Variants in NCMAP observed in about 807,000 individuals in gnomAD.
NCMAP encodes the protein noncompact myelin-associated protein.
A neutral mutation model predicts 7.8 loss-of-function variants in NCMAP; 8 were observed. The observed-to-expected ratio is 1.02, with a 90% CI of 0.60 to 1.84. NCMAP has a LOEUF of 1.84. Ranked by LOEUF, NCMAP falls within the 40% of genes most tolerant of loss-of-function variation. NCMAP has a pLI of 0.00. For missense variants in NCMAP, 112 were observed against 131.4 expected (o/e 0.85, Z 0.72); for synonymous variants, 41 against 52.9 (o/e 0.78, Z 0.98).
chr1:24,565,927 C>T (rs1651215248), intron 1 of NCMAP, among the ~76,000 whole-genome samples: 1 of 152,090 alleles, frequency 6.6e-6, no homozygotes, highest in Non-Finnish European at 1.5e-5. Context: ...TGGTGGTTTC[C>T]TCCATGCTGT....
At chr1:24,562,889 G>A (rs1180633892) in intron 1 of NCMAP, among the ~76,000 whole-genome samples, 1 of 152,222 alleles carries the variant, frequency 6.6e-6, no homozygotes, top group African/African-American at 2.4e-5. Flanking sequence ...GAAAAGCCAA[G>A]GAAGCTTCCT....
At chr1:24,597,618 A>C (rs1407005862) in intron 2 of NCMAP, among the ~76,000 whole-genome samples, 1 of 23,890 alleles carries the variant, frequency 4.2e-5, no homozygotes, top group Non-Finnish European at 8.6e-5. Context: ...AGAAAGAAAG[A>C]GAAAGAAAGA....
rs777914638 is a variant in NCMAP, at chr1:24,571,226, T to C, written c.-8+15057T>C. On this transcript the variant is annotated intron_variant, in intron 1 of 3. Coordinates refer to ENST00000374392, the MANE Select transcript of NCMAP (RefSeq NM_001010980.5). ...GCACGGTGGCTCATGCCTGTAATCC[T>C]AGCACTTTGGGAGGCCGAGGCAGGC... is the stretch of plus-strand genomic sequence containing the variant. 5.2e-4 allele frequency among the ~76,000 whole-genome samples: 79 copies of C among 150,684 alleles called. 3 individuals are homozygous for C. The highest frequency in any genetic ancestry group is 6.8e-3 in the Middle Eastern group (2 of 294).
chr1:24,564,515 AAAAAAAAAAAAAAAAAAC>A (rs1407274377), intron 1 of NCMAP, among the ~76,000 whole-genome samples: 2 of 93,316 alleles, frequency 2.1e-5, no homozygotes, highest in Admixed American at 1.1e-4. Context: ...TTCTGTCTCA[AAAAAAAAAAAAAAAAAAC>A]AAAAAAAAAC....
chr1:24,593,370 G>A (rs765573244), intron 1 of NCMAP, among the ~76,000 whole-genome samples: 14 of 152,016 alleles, frequency 9.2e-5, no homozygotes, highest in Non-Finnish European at 1.8e-4. Context: ...GTGAATGCCT[G>A]TAGTCCCAGC....
chr1:24,582,146 G>T (rs1651765316), intron 1 of NCMAP, among the ~76,000 whole-genome samples: 1 of 152,050 alleles, frequency 6.6e-6, no homozygotes, highest in Non-Finnish European at 1.5e-5. Flanking sequence ...CTCCTGATTC[G>T]TTGCTCGTGC....
At chr1:24,561,389 T>C (rs912195105) in intron 1 of NCMAP, among the ~76,000 whole-genome samples, 6 of 152,162 alleles carry the variant, frequency 3.9e-5, no homozygotes, top group African/African-American at 1.4e-4. Flanking sequence ...TTTATATGAC[T>C]GCATGGGTAT....
At position 24,601,024 on chromosome 1, in the gene NCMAP, G is replaced by C; in HGVS notation, c.167G>C (p.Arg56Thr). ...CTGATCCTGCTGAAGATGTACAACA[G>C]GTACGGATGCCCTGGGCTTTGGAAC... ...VVLILLKMYNRKMRTRRELEP... is the reference protein window; with the variant it reads ...VVLILLKMYNTKMRTRRELEP... The change falls in exon 3 of 4, where the codon AGG becomes ACG. Residue 56 changes from arginine (R) to threonine (T), a missense_variant and splice_region_variant. Transcript: ENST00000374392. The C allele has an allele frequency of 1.9e-6, 3 of 1,613,848 alleles. No homozygotes were observed. Among genetic ancestry groups the C allele is most frequent in the Non-Finnish European group, 2.5e-6 (3 of 1,179,796 alleles).
chr1:24,590,173 G>A, intron 1 of NCMAP, among the ~76,000 whole-genome samples: 1 of 152,172 alleles, frequency 6.6e-6, no homozygotes, highest in East Asian at 1.9e-4. Context: ...TATCTTACAT[G>A]GCATTTTGCT....
chr1:24,565,233 A>G (rs1651189282), intron 1 of NCMAP, among the ~76,000 whole-genome samples: 1 of 151,634 alleles, frequency 6.6e-6, no homozygotes, highest in South Asian at 2.1e-4. Flanking sequence ...ATCTGCCATA[A>G]CCAGGAAAGT....
At chr1:24,587,650 A>C (rs1325328987) in intron 1 of NCMAP, among the ~76,000 whole-genome samples, 1 of 152,070 alleles carries the variant, frequency 6.6e-6, no homozygotes, top group African/African-American at 2.4e-5. Flanking sequence ...AGTAGCTAAG[A>C]CTACAGGTGC....
intron 1 of NCMAP, among the ~76,000 whole-genome samples, chr1:24,586,392 C>T (rs536263991): frequency 2.3e-4 from 35 of 152,334 alleles, no homozygotes; most frequent in Admixed American, 6.5e-4. Context: ...GGAGTCCTGG[C>T]GAATGGACAG....
chr1:24,606,953 A>C lies in NCMAP; in HGVS notation c.*1206A>C, dbSNP rs1044111399. On this transcript the variant is annotated 3_prime_UTR_variant, in exon 4 of 4. Transcript: ENST00000374392. ...AGCGCCTGGCACCCAGGAGATGCTT[A>C]ATAAATGGGAACCAGGATTCTTTTT... 1 of 152,318 alleles carries C rather than the reference A, an allele frequency of 6.6e-6. No individual in the cohort carries two copies. The highest frequency in any genetic ancestry group is 2.4e-5 in the African/African-American group (1 of 41,450). The allele number at this position is 152,318 out of a possible 1,614,324, so 9.4% of individuals were successfully genotyped here.
chr1:24,606,062 CAGAT>C lies in NCMAP; in HGVS notation c.*318_*321del, dbSNP rs775821718. On this transcript the variant is annotated 3_prime_UTR_variant, in exon 4 of 4. Coordinates refer to ENST00000374392, the MANE Select transcript of NCMAP (RefSeq NM_001010980.5). The stretch of plus-strand genomic sequence containing the variant: ...CCCACACTGTAGTTAGACAGATAGA[CAGAT>C]AGCCCAGGAGCCAGGTGTCAGGGAG... 3 of 295,944 alleles carry C rather than the reference CAGAT, an allele frequency of 1.0e-5. No homozygotes were observed. The highest frequency in any genetic ancestry group is 2.1e-5 in the African/African-American group (1 of 46,658). The allele number at this position is 295,944 out of a possible 1,614,324, so 18.3% of individuals were successfully genotyped here.
intron 1 of NCMAP, among the ~76,000 whole-genome samples, chr1:24,589,098 A>T (rs1338254221): frequency 2.6e-5 from 4 of 152,186 alleles, no homozygotes; most frequent in Non-Finnish European, 5.9e-5. Context: ...TTCAGAATGG[A>T]CAAAGTGCCT....
chr1:24,592,273 C>T (rs1455450677), intron 1 of NCMAP, among the ~76,000 whole-genome samples: 1 of 152,036 alleles, frequency 6.6e-6, no homozygotes, highest in Admixed American at 6.6e-5. Flanking sequence ...TTTTTTGAGC[C>T]CCAGAATCAT....
At chr1:24,567,619 G>A (rs971083309) in intron 1 of NCMAP, among the ~76,000 whole-genome samples, 7 of 152,114 alleles carry the variant, frequency 4.6e-5, no homozygotes, top group South Asian at 2.1e-4. Context: ...GAGAGGAGTC[G>A]CAAAGCCTCC....
At chr1:24,596,809 G>A (rs1321178353) in intron 2 of NCMAP, among the ~76,000 whole-genome samples, 1 of 152,322 alleles carries the variant, frequency 6.6e-6, no homozygotes, top group Admixed American at 6.5e-5. Context: ...GTTCTGGGGA[G>A]GCATTTGCCG....
intron 1 of NCMAP, among the ~76,000 whole-genome samples, chr1:24,577,881 C>T (rs1211452527): frequency 6.6e-6 from 1 of 152,084 alleles, no homozygotes; most frequent in Non-Finnish European, 1.5e-5. Context: ...AAGTCGCCTC[C>T]CGGCCATGGC....
Sources: gnomAD v4.1 joint callset for allele counts (sites outside exome capture counted in the v4.1 genomes callset) on GRCh38, gnomAD v4.1.1 for gene constraint, MANE v1.5 for transcripts, NCBI Gene and HGNC (gene_info 2026-07-23, HGNC 2026-07-21) for gene names.